Variants in SF3A1 observed in about 807,000 individuals in gnomAD.
SF3A1 encodes SAP 114.
SF3A1 carries 13 observed loss-of-function variants against 89.9 expected under a neutral mutation model. The ratio of observed to expected loss-of-function variants is 0.14; its 90% confidence interval spans 0.09 to 0.23. The LOEUF (loss-of-function observed/expected upper bound fraction) is 0.23, where lower values mean the gene tolerates loss of function less well. Ranked by LOEUF, SF3A1 falls within the 10% of genes least tolerant of loss-of-function variation. The pLI, the probability that SF3A1 is intolerant of heterozygous loss-of-function variation, is 1.00. For missense variants in SF3A1, 604 were observed against 1,022.1 expected (o/e 0.59, Z 5.58); for synonymous variants, 405 against 374.4 (o/e 1.08, Z -0.94).
chr22:30,341,326 C>T (rs949284416), intron 7 of SF3A1, among the ~76,000 whole-genome samples: 6 of 152,140 alleles, frequency 3.9e-5, no homozygotes, highest in African/African-American at 7.2e-5. Flanking sequence ...TGAAAGGAAG[C>T]GTGGGCTACA....
chr22:30,352,285 A>C (rs8136826), intron 2 of SF3A1, among the ~76,000 whole-genome samples: 29,094 of 149,194 alleles, frequency 0.2, 3,019 homozygotes, highest in Middle Eastern at 0.32. Flanking sequence ...AACTGTGGGG[A>C]GAGAGAGGAT....
In SF3A1 at chr22:30,334,440, GA is replaced by G. The variant is rs1291159473; in HGVS notation, c.*153del. 1 of 557,634 alleles carries G rather than the reference GA, an allele frequency of 1.8e-6. No homozygotes were observed. The highest frequency in any genetic ancestry group is 2.0e-5 in the African/African-American group (1 of 50,384). The allele number at this position is 557,634 out of a possible 1,614,324, so 34.5% of individuals were successfully genotyped here. On this transcript the variant is annotated 3_prime_UTR_variant, in exon 16 of 16. Transcript: ENST00000215793. Reference sequence around the variant, plus strand: ...AATGTGGGGAAAGGGTCAGGGGAATGAACCTCTGCAGGACAATTTGAATTCC... The same window carrying G: ...AATGTGGGGAAAGGGTCAGGGGAATGACCTCTGCAGGACAATTTGAATTCC...
chr22:30,342,360 T>C lies in SF3A1; in HGVS notation c.727-10A>G, dbSNP rs1413243076. On this transcript the variant is annotated splice_polypyrimidine_tract_variant and intron_variant, in intron 5 of 15. Coordinates refer to ENST00000215793, the MANE Select transcript of SF3A1 (RefSeq NM_005877.6). ...CCACTCGGTAACACACCTGCAGAGA[T>C]GGGAAACAGCTTGGTGCTACGCTGA... 5.0e-6 allele frequency: 8 copies of C among 1,594,398 alleles called. No individual in the cohort carries two copies. The East Asian group carries it at 9.0e-5, about 18-fold the overall frequency.
chr22:30,335,730 C>G lies in SF3A1; in HGVS notation c.2130G>C (p.Gln710His), dbSNP rs1226261189. 4 of 1,614,170 alleles carry G rather than the reference C, an allele frequency of 2.5e-6. No individual in the cohort carries two copies. The South Asian group carries it at 4.4e-5, about 18-fold the overall frequency. The change falls in exon 14 of 16, where the codon CAG (glutamine) becomes CAC (histidine). Residue 710 changes from glutamine to histidine, a missense_variant. Around this residue, in one of 9 missense-constraint regions of SF3A1, gnomAD observed 74 missense variants for 141.3 expected, o/e 0.52. Transcript: ENST00000215793. ...CCGTCTTATCCTGCATGTTGGGCACCTGGACTTTGATGGACACTGGACCCT... is the reference window on the plus strand; with the variant it reads ...CCGTCTTATCCTGCATGTTGGGCACGTGGACTTTGATGGACACTGGACCCT... ...RNKGPVSIKV[Q>H]VPNMQDKTEW...
At chr22:30,355,064 G>A (rs1429461473) in intron 1 of SF3A1, among the ~76,000 whole-genome samples, 3 of 151,368 alleles carry the variant, frequency 2.0e-5, no homozygotes, top group South Asian at 2.1e-4. Flanking sequence ...TCTTGCTGTC[G>A]CCCAGGCTGG....
intron 4 of SF3A1, among the ~76,000 whole-genome samples, chr22:30,343,565 G>T (rs1015543069): frequency 2.6e-5 from 4 of 152,154 alleles, no homozygotes; most frequent in Admixed American, 2.6e-4. Flanking sequence ...TCTACCCCAA[G>T]AATCTATCTG....
At chr22:30,341,974 T>G (rs1236842840) in intron 6 of SF3A1, 89 bp from the exon 7 acceptor site, 1 of 1,355,344 alleles carries the variant, frequency 7.4e-7, no homozygotes, top group African/African-American at 1.5e-5. Context: ...GGGCCATGTC[T>G]GTTTTCTCTC....
chr22:30,356,694 C>A (rs1442266370), intron 1 of SF3A1, 36 bp downstream of exon 1: 16 of 1,445,066 alleles, frequency 1.1e-5, no homozygotes, highest in Non-Finnish European at 1.4e-5. Context: ...CCAGGCCAAC[C>A]CTCCGGCTGC....
intron 9 of SF3A1, among the ~76,000 whole-genome samples, chr22:30,339,714 C>A (rs1244071839): frequency 6.6e-6 from 1 of 152,186 alleles, no homozygotes; most frequent in Non-Finnish European, 1.5e-5. Flanking sequence ...AACATGGAGC[C>A]ACTGCACTCC....
intron 3 of SF3A1, 83 bp from the exon 4 acceptor site, chr22:30,345,273 C>G: frequency 7.6e-7 from 1 of 1,309,788 alleles, no homozygotes; most frequent in Non-Finnish European, 1.1e-6. Flanking sequence ...CATGGGCATG[C>G]ACCCCTCAGC....
At chr22:30,340,078 G>C in intron 9 of SF3A1, 118 bp downstream of exon 9, 1 of 841,624 alleles carries the variant, frequency 1.2e-6, no homozygotes, top group Non-Finnish European at 1.7e-6. Context: ...CAATATCATA[G>C]AGTGCAACTC....
intron 5 of SF3A1, 59 bp from the exon 6 acceptor site, chr22:30,342,409 C>G (rs1389947303): frequency 6.5e-7 from 1 of 1,530,746 alleles, no homozygotes; most frequent in African/African-American, 1.4e-5. Context: ...CCTGATGAGG[C>G]TACCACCTCC....
intron 4 of SF3A1, 112 bp from the exon 5 acceptor site, chr22:30,342,991 T>C: frequency 1.5e-6 from 1 of 664,348 alleles, no homozygotes. Flanking sequence ...TGGGATTCTG[T>C]GTCCCAATCC....
chr22:30,341,435 C>T (rs1488307258), intron 7 of SF3A1, among the ~76,000 whole-genome samples: 2 of 152,204 alleles, frequency 1.3e-5, no homozygotes, highest in South Asian at 4.1e-4. Flanking sequence ...GCAGTGAGAG[C>T]AGGCTGTCCG....
intron 11 of SF3A1, 88 bp downstream of exon 11, chr22:30,338,700 TA>T: frequency 1.3e-6 from 2 of 1,561,280 alleles, no homozygotes; most frequent in Non-Finnish European, 1.8e-6. Flanking sequence ...CAGGCCCCAC[TA>T]AAAGGCAGCT....
At chr22:30,336,981 G>A in intron 13 of SF3A1, 45 bp downstream of exon 13, 1 of 1,611,908 alleles carries the variant, frequency 6.2e-7, no homozygotes, top group Non-Finnish European at 8.5e-7. Context: ...GGGCGGGACT[G>A]AACCCTCCAG....
Position 30,334,575 on chromosome 22 carries a change from G to C in SF3A1, c.*19C>G. 6.6e-7 allele frequency: 1 copy of C among 1,517,534 alleles called. No individual in the cohort carries two copies. Among genetic ancestry groups the C allele is most frequent in the Non-Finnish European group, 8.9e-7 (1 of 1,127,052 alleles). 94.0% of individuals were successfully genotyped at this position (1,517,534 alleles called of 1,614,324 possible). ...AGGAGAGGCAAAATGGCAGGGACTT[G>C]ACAGCAGGTTCCTCTTGTCTACTTC... On this transcript the variant is annotated 3_prime_UTR_variant, in exon 16 of 16. Coordinates refer to ENST00000215793, the MANE Select transcript of SF3A1 (RefSeq NM_005877.6).
rs561069701 is a variant in SF3A1 at position 30,346,200 on chromosome 22, C to G, written c.393+112G>C. Reference sequence around the variant, plus strand: ...GCCTCTGAGAGATGGGGATAACGACCTCACTTCTCTCCCTGGGTGGTTGTG... The same window carrying G: ...GCCTCTGAGAGATGGGGATAACGACGTCACTTCTCTCCCTGGGTGGTTGTG... On this transcript the variant is annotated intron_variant, in intron 3 of 15. Coordinates refer to ENST00000215793, the MANE Select transcript of SF3A1 (RefSeq NM_005877.6). The G allele has an allele frequency of 3.9e-6, 3 of 767,884 alleles. No individual in the cohort carries two copies. In the African/African-American group the frequency reaches 5.2e-5, roughly 13 times the overall value. 47.6% of individuals were successfully genotyped at this position (767,884 alleles called of 1,614,324 possible). A position where few individuals can be genotyped will look rare whatever the true frequency, so the allele number is the denominator to read the frequency against.
Position 30,345,254 on chromosome 22 carries a change from G to A in SF3A1, c.394-64C>T, listed in dbSNP as rs897413620. The A allele has an allele frequency of 3.3e-6, 5 of 1,517,172 alleles. No homozygotes were observed. The Admixed American group carries it at 7.1e-5, about 22-fold the overall frequency. The allele number at this position is 1,517,172 out of a possible 1,614,324, so 94.0% of individuals were successfully genotyped here. ...GTGAACAGGCTCCAGGGGAGGGGAG[G>A]GGAGGGGACATGGGCATGCACCCCT... is the stretch of plus-strand genomic sequence containing the variant. On this transcript the variant is annotated intron_variant, in intron 3 of 15. Coordinates refer to ENST00000215793, the MANE Select transcript of SF3A1 (RefSeq NM_005877.6).
Sources: allele counts gnomAD v4.1 joint callset (sites outside exome capture counted in the v4.1 genomes callset), GRCh38; gene constraint gnomAD v4.1.1; regional missense constraint gnomAD v4.1.1; transcripts MANE v1.5; gene names NCBI Gene and HGNC (gene_info 2026-07-23, HGNC 2026-07-21).